The following GPM6A variants were observed in gnomAD, a reference collection of about 807,000 sequenced individuals.
GPM6A encodes the protein glycoprotein M6A.
In GPM6A, 7 loss-of-function variants were observed where a neutral mutation model predicts 32.1. That is an observed-to-expected ratio of 0.22 (90% CI 0.12 to 0.41). GPM6A has a LOEUF of 0.41. Ranked by LOEUF, GPM6A falls within the 10% of genes least tolerant of loss-of-function variation. The probability of loss-of-function intolerance (pLI) is 1.00; values close to 1 mark genes in which losing one functional copy is unlikely to be tolerated. For synonymous variants in GPM6A, 130 were observed against 123.4 expected (o/e 1.05, Z -0.35); for missense variants, 235 against 347.2 (o/e 0.68, Z 2.57).
intron 1 of GPM6A, among the ~76,000 whole-genome samples, chr4:175,774,645 A>G (rs1733321775): frequency 6.6e-6 from 1 of 152,102 alleles, no homozygotes; most frequent in Non-Finnish European, 1.5e-5. Flanking sequence ...ATTTTATTCA[A>G]TGAAGAGTCT....
At chr4:175,748,098 T>C (rs1732179769) in intron 1 of GPM6A, among the ~76,000 whole-genome samples, 2 of 152,198 alleles carry the variant, frequency 1.3e-5, no homozygotes, top group South Asian at 4.1e-4. Flanking sequence ...TCTAGTTCTC[T>C]TGTTCTTTCC....
At chr4:175,805,881 A>G (rs1344291680) in intron 1 of GPM6A, 6 of 152,230 alleles carry the variant, frequency 3.9e-5, no homozygotes, top group Non-Finnish European at 5.9e-5. Flanking sequence ...AATTTGAAAA[A>G]AAAATCAGTT....
chr4:175,996,429 C>A (rs1266731536), intron 1 of GPM6A, among the ~76,000 whole-genome samples: 1 of 152,188 alleles, frequency 6.6e-6, no homozygotes, highest in East Asian at 1.9e-4. Context: ...TACAAAGCAT[C>A]TAGTTGATTG....
intron 1 of GPM6A, among the ~76,000 whole-genome samples, chr4:175,745,515 C>T (rs905101047): frequency 2.0e-5 from 3 of 152,166 alleles, no homozygotes; most frequent in African/African-American, 7.2e-5. Flanking sequence ...GCTAGAAGAA[C>T]CCAGATGAAT....
chr4:175,882,199 G>T (rs1209523888), intron 1 of GPM6A, among the ~76,000 whole-genome samples: 1 of 151,808 alleles, frequency 6.6e-6, no homozygotes, highest in East Asian at 1.9e-4. Context: ...TGTGCCTGAG[G>T]TAGCGTGCCT....
At chr4:175,659,903 A>G (rs1045568836) in intron 3 of GPM6A, among the ~76,000 whole-genome samples, 3 of 152,204 alleles carry the variant, frequency 2.0e-5, no homozygotes, top group Admixed American at 6.5e-5. Context: ...GTTTATCATT[A>G]TGATTTATTG....
At chr4:175,967,496 G>A (rs985963567) in intron 1 of GPM6A, among the ~76,000 whole-genome samples, 19 of 152,090 alleles carry the variant, frequency 1.2e-4, no homozygotes, top group African/African-American at 4.6e-4. Context: ...AACTTCATTT[G>A]CAGATGGCAT....
intron 1 of GPM6A, among the ~76,000 whole-genome samples, chr4:175,973,084 C>A (rs998332196): frequency 3.3e-5 from 5 of 152,104 alleles, no homozygotes; most frequent in African/African-American, 7.2e-5. Context: ...TATGGCAAAT[C>A]ATAAACCAGA....
chr4:175,905,658 T>C (rs756618882), intron 1 of GPM6A, among the ~76,000 whole-genome samples: 23 of 152,134 alleles, frequency 1.5e-4, no homozygotes, highest in Admixed American at 3.3e-4. Context: ...TGCCTTCGGC[T>C]CAAAATAATC....
intron 1 of GPM6A, among the ~76,000 whole-genome samples, chr4:175,754,402 C>CA (rs1417252372): frequency 1.3e-5 from 2 of 151,712 alleles, no homozygotes; most frequent in East Asian, 3.9e-4. Context: ...AACTTCTCAG[C>CA]AAAAAAAGAT....
At chr4:175,849,707 T>C (rs1206955404) in intron 1 of GPM6A, among the ~76,000 whole-genome samples, 1 of 152,206 alleles carries the variant, frequency 6.6e-6, no homozygotes, top group Admixed American at 6.5e-5. Context: ...TTGGAACTTA[T>C]TGTGTTGAAG....
chr4:175,828,756 T>A (rs537874258), intron 1 of GPM6A, among the ~76,000 whole-genome samples: 1 of 152,250 alleles, frequency 6.6e-6, no homozygotes, highest in East Asian at 1.9e-4. Context: ...ATAGATCTTA[T>A]GAATTATCAA....
At chr4:175,886,872 T>C (rs564035890) in intron 1 of GPM6A, among the ~76,000 whole-genome samples, 29 of 151,608 alleles carry the variant, frequency 1.9e-4, no homozygotes, top group South Asian at 1.0e-3. Flanking sequence ...TGTCAACTTA[T>C]AAGATACAAG....
At chr4:175,896,279 C>T (rs902996672) in intron 1 of GPM6A, among the ~76,000 whole-genome samples, 1 of 152,078 alleles carries the variant, frequency 6.6e-6, no homozygotes, top group Non-Finnish European at 1.5e-5. Context: ...TTAGCCCAAT[C>T]CATATAGTTC....
intron 2 of GPM6A, among the ~76,000 whole-genome samples, chr4:175,690,832 A>ATTGGGAG (rs1744256421): frequency 7.9e-5 from 12 of 152,164 alleles, no homozygotes; most frequent in Admixed American, 2.6e-4. Flanking sequence ...AAGGATTATA[A>ATTGGGAG]TATTGAGGGC....
chr4:175,851,219 T>A (rs1299756984), intron 1 of GPM6A, among the ~76,000 whole-genome samples: 7 of 151,728 alleles, frequency 4.6e-5, no homozygotes, highest in Non-Finnish European at 8.8e-5. Flanking sequence ...TAGCTGGGTG[T>A]GGTGGCGGGC....
rs373746706 is a variant in GPM6A at position 175,746,484 on chromosome 4, A to T, written c.38-44717T>A. On this transcript the variant is annotated intron_variant, in intron 1 of 6. Transcript: ENST00000393658. ...CTTAAAAGACCAGATTTAAAATCTA[A>T]TTTTTTTTAAATTTAAAGATCAAAA... Among the ~76,000 whole-genome samples the T allele has an allele frequency of 6.4e-4, 98 of 152,042 alleles. 1 individual carries two copies. The highest frequency in any genetic ancestry group is 2.3e-3 in the South Asian group (11 of 4,824).
chr4:175,945,108 ACT>A (rs1288397830), intron 1 of GPM6A, among the ~76,000 whole-genome samples: 1 of 151,910 alleles, frequency 6.6e-6, no homozygotes, highest in Non-Finnish European at 1.5e-5. Context: ...GCTAGAAAAG[ACT>A]CTGTGACGAA....
At chr4:175,923,464 G>T (rs1183885844) in intron 1 of GPM6A, among the ~76,000 whole-genome samples, 1 of 151,004 alleles carries the variant, frequency 6.6e-6, no homozygotes, top group Non-Finnish European at 1.5e-5. Flanking sequence ...GCAGAAGTCG[G>T]TGATGGAGGG....
Sources: gnomAD v4.1 joint callset for allele counts (sites outside exome capture counted in the v4.1 genomes callset) on GRCh38, gnomAD v4.1.1 for gene constraint, MANE v1.5 for transcripts, NCBI Gene and HGNC (gene_info 2026-07-23, HGNC 2026-07-21) for gene names.